The following ACSM3 variants were observed in gnomAD, a reference collection of about 807,000 sequenced individuals.
ACSM3 encodes acyl-CoA synthetase medium chain family member 3, also known as acyl-coenzyme A synthetase ACSM3, mitochondrial.
In ACSM3, 61 loss-of-function variants were observed where a neutral mutation model predicts 74.1. The observed-to-expected ratio is 0.82, with a 90% CI of 0.67 to 1.02. The LOEUF (loss-of-function observed/expected upper bound fraction) is 1.02. ACSM3 is among the 50% of genes least tolerant of loss of function. The probability of loss-of-function intolerance (pLI) is 0.00; values close to 1 mark genes in which losing one functional copy is unlikely to be tolerated. For missense variants in ACSM3, 660 were observed against 697.0 expected (o/e 0.95, Z 0.60); for synonymous variants, 213 against 241.5 (o/e 0.88, Z 1.09).
Position 20,797,241 on chromosome 16 carries a change from A to C in ACSM3, c.*269A>C. ...TTAATTTTTAAATGTATAGTATAGA[A>C]GCAGTTTCTGAACCAGATCTCTGCT... On this transcript the variant is annotated 3_prime_UTR_variant, in exon 14 of 14. Transcript: ENST00000289416. 8.9e-7 allele frequency: 1 copy of C among 1,128,998 alleles called. No individual in the cohort carries two copies. Among genetic ancestry groups the C allele is most frequent in the Non-Finnish European group, 1.1e-6 (1 of 925,158 alleles). 69.9% of individuals were successfully genotyped at this position (1,128,998 alleles called of 1,614,324 possible).
At chr16:20,731,772 GT>G in intron 1 of ACSM3, 1 of 314,350 alleles carries the variant, frequency 3.2e-6, no homozygotes, top group Non-Finnish European at 5.7e-6. Flanking sequence ...AAGTTTGGAT[GT>G]TACCAAACTA....
intron 1 of ACSM3, among the ~76,000 whole-genome samples, chr16:20,708,756 G>GA (rs1490431437): frequency 6.6e-6 from 1 of 152,038 alleles, no homozygotes; most frequent in Non-Finnish European, 1.5e-5. Flanking sequence ...AACAAAAATA[G>GA]AAAAAAACAA....
At chr16:20,770,287 T>C in intron 2 of ACSM3, 34 bp downstream of exon 2, 2 of 1,567,872 alleles carry the variant, frequency 1.3e-6, no homozygotes, top group Non-Finnish European at 1.8e-6. Flanking sequence ...CCACAATTTC[T>C]CAACTGGGAG....
intron 1 of ACSM3, chr16:20,711,497 TC>T: frequency 7.2e-7 from 1 of 1,386,450 alleles, no homozygotes; most frequent in Non-Finnish European, 9.9e-7. Flanking sequence ...CCAGGAACAA[TC>T]CAGCTGACAG....
intron 1 of ACSM3, among the ~76,000 whole-genome samples, chr16:20,675,326 C>T (rs1489758619): frequency 1.3e-5 from 2 of 152,118 alleles, no homozygotes; most frequent in Non-Finnish European, 2.9e-5. Context: ...TGGGGAGGCA[C>T]AGATCCCTTA....
At chr16:20,778,224 G>A (rs1165707607) in intron 4 of ACSM3, among the ~76,000 whole-genome samples, 1 of 152,232 alleles carries the variant, frequency 6.6e-6, no homozygotes, top group Non-Finnish European at 1.5e-5. Flanking sequence ...GAATTTCACT[G>A]ATGTTGAAGC....
intron 1 of ACSM3, among the ~76,000 whole-genome samples, chr16:20,732,684 G>C (rs1030730632): frequency 6.6e-6 from 1 of 152,094 alleles, no homozygotes; most frequent in African/African-American, 2.4e-5. Context: ...TTGTGGCAAA[G>C]CATTTAAGTG....
At chr16:20,752,138 C>T (rs568448259) in intron 2 of ACSM3, among the ~76,000 whole-genome samples, 13 of 151,970 alleles carry the variant, frequency 8.6e-5, no homozygotes, top group African/African-American at 1.7e-4. Flanking sequence ...TGCAGTTAGC[C>T]GAGACTGCAC....
At chr16:20,722,753 T>C (rs1388149457) in intron 1 of ACSM3, among the ~76,000 whole-genome samples, 1 of 152,232 alleles carries the variant, frequency 6.6e-6, no homozygotes, top group African/African-American at 2.4e-5. Context: ...CTTTGGGTTG[T>C]TCTCAAATTC....
intron 12 of ACSM3, among the ~76,000 whole-genome samples, chr16:20,794,584 T>C (rs898246947): frequency 1.3e-5 from 2 of 152,226 alleles, no homozygotes; most frequent in African/African-American, 2.4e-5. Flanking sequence ...ATACAAGATT[T>C]TGCATAGAAT....
chr16:20,743,224 C>T (rs2079943541), intron 1 of ACSM3, among the ~76,000 whole-genome samples: 1 of 152,130 alleles, frequency 6.6e-6, no homozygotes, highest in Non-Finnish European at 1.5e-5. Flanking sequence ...AGGCGTGAGC[C>T]ACCGCGCCTG....
intron 2 of ACSM3, among the ~76,000 whole-genome samples, chr16:20,773,987 A>G (rs1262806895): frequency 6.6e-6 from 1 of 152,100 alleles, no homozygotes; most frequent in Non-Finnish European, 1.5e-5. Context: ...GTTGTATTGG[A>G]GTCTATCTGT....
chr16:20,691,066 A>C (rs2079644812), intron 1 of ACSM3: 1 of 1,613,694 alleles, frequency 6.2e-7, no homozygotes, highest in Non-Finnish European at 8.5e-7. Flanking sequence ...CTTCATAGTC[A>C]TTCCATCTTG....
intron 1 of ACSM3, chr16:20,741,773 T>C (rs753688644): frequency 7.7e-6 from 12 of 1,551,058 alleles, no homozygotes; most frequent in Non-Finnish European, 1.0e-5. Flanking sequence ...GAGAAACGTT[T>C]CTCCGCTGCT....
chr16:20,731,635 G>A (rs2079830980), intron 1 of ACSM3: 1 of 348,050 alleles, frequency 2.9e-6, no homozygotes, highest in Non-Finnish European at 5.2e-6. Context: ...GAAAGCTTTT[G>A]TTGTCTTAGC....
At chr16:20,738,003 A>C in intron 1 of ACSM3, 3 of 1,530,610 alleles carry the variant, frequency 2.0e-6, no homozygotes, top group Non-Finnish European at 1.8e-6. Flanking sequence ...AGACATCTTA[A>C]AGATCGAACT....
intron 1 of ACSM3, among the ~76,000 whole-genome samples, chr16:20,742,708 T>C: frequency 6.6e-6 from 1 of 150,976 alleles, no homozygotes; most frequent in Non-Finnish European, 1.5e-5. Context: ...CCTCCTCCTC[T>C]GTGCACGGAC....
At chr16:20,779,055 G>A (rs1454855481) in intron 4 of ACSM3, among the ~76,000 whole-genome samples, 1 of 152,080 alleles carries the variant, frequency 6.6e-6, no homozygotes, top group Non-Finnish European at 1.5e-5. Context: ...CCGGCCTATA[G>A]ATAGTATTTT....
chr16:20,706,990 C>T (rs915553383), intron 1 of ACSM3, among the ~76,000 whole-genome samples: 3 of 152,180 alleles, frequency 2.0e-5, no homozygotes, highest in Non-Finnish European at 4.4e-5. Flanking sequence ...GTACATGGAG[C>T]TGCTGAGAGA....
Sources: allele counts gnomAD v4.1 joint callset (sites outside exome capture counted in the v4.1 genomes callset), GRCh38; gene constraint gnomAD v4.1.1; transcripts MANE v1.5; gene names NCBI Gene and HGNC (gene_info 2026-07-23, HGNC 2026-07-21).